Variants in ADAM32 observed in about 807,000 individuals in gnomAD.
ADAM32 encodes the protein disintegrin and metalloproteinase domain-containing protein 32.
ADAM32 carries 89 observed loss-of-function variants against 114.9 expected under a neutral mutation model. The ratio of observed to expected loss-of-function variants is 0.77; its 90% CI spans 0.65 to 0.92. The LOEUF is 0.92. Among genes scored for constraint, ADAM32 ranks in the 40% least tolerant of loss-of-function variants. The probability of loss-of-function intolerance (pLI) is 0.00; values close to 1 mark genes in which losing one functional copy is unlikely to be tolerated. For missense variants in ADAM32, 870 were observed against 932.8 expected, an observed-to-expected ratio of 0.93 and a Z score of 0.88; for synonymous variants, 285 against 307.5, an observed-to-expected ratio of 0.93 and a Z score of 0.77.
chr8:39,166,215 A>C (rs1429253816), intron 9 of ADAM32: 2 of 152,054 alleles, frequency 1.3e-5, no homozygotes, highest in Admixed American at 6.6e-5. Context: ...TCTTCCCCCC[A>C]GTCCCCACAG....
chr8:39,124,788 A>C (rs1588475441), intron 2 of ADAM32, among the ~76,000 whole-genome samples: 1 of 152,144 alleles, frequency 6.6e-6, no homozygotes, highest in East Asian at 1.9e-4. Context: ...TGCTATTGTG[A>C]ATACTGCTGC....
rs569116565 is a variant in ADAM32 at position 39,146,177 on chromosome 8, A to C, written c.201-953A>C. ...GCCTAATTAAGTGACGGTGGGTTGA[A>C]GAGTGAACATGAAGTGAGGAAGCAT... On this transcript the variant is annotated intron_variant, in intron 3 of 24. Coordinates refer to ENST00000379907, the MANE Select transcript of ADAM32 (RefSeq NM_145004.7). 2.0e-5 allele frequency among the ~76,000 whole-genome samples: 3 copies of C among 152,280 alleles called. No individual in the cohort carries two copies. In the South Asian group the frequency reaches 6.2e-4, roughly 32 times the overall value.
intron 11 of ADAM32, among the ~76,000 whole-genome samples, chr8:39,195,110 T>TC (rs1216214207): frequency 6.6e-6 from 1 of 152,100 alleles, no homozygotes; most frequent in Non-Finnish European, 1.5e-5. Flanking sequence ...CCCAGCTTCC[T>TC]CCCCCTTCAG....
At chr8:39,123,859 A>G (rs1024448305) in intron 2 of ADAM32, among the ~76,000 whole-genome samples, 13 of 151,968 alleles carry the variant, frequency 8.6e-5, no homozygotes, top group African/African-American at 3.1e-4. Context: ...GGCACACGCC[A>G]TGACACCCAG....
intron 12 of ADAM32, among the ~76,000 whole-genome samples, chr8:39,218,029 T>C (rs1797582473): frequency 6.6e-6 from 1 of 152,152 alleles, no homozygotes. Flanking sequence ...TTCCAGAGTA[T>C]TTGAAAGGAC....
intron 19 of ADAM32, among the ~76,000 whole-genome samples, chr8:39,259,690 A>G (rs1001383874): frequency 6.6e-6 from 1 of 152,176 alleles, no homozygotes; most frequent in Non-Finnish European, 1.5e-5. Context: ...ATGTTTAGTC[A>G]GTGAATACTA....
intron 5 of ADAM32, among the ~76,000 whole-genome samples, chr8:39,150,754 A>T (rs1018898079): frequency 3.3e-5 from 5 of 152,224 alleles, no homozygotes; most frequent in African/African-American, 1.2e-4. Context: ...ACCTGTATTC[A>T]CAGAAAAATA....
intron 10 of ADAM32, among the ~76,000 whole-genome samples, chr8:39,183,941 C>A (rs1806066223): frequency 6.6e-6 from 1 of 152,194 alleles, no homozygotes; most frequent in Admixed American, 6.5e-5. Flanking sequence ...ACCTGGGATA[C>A]ACGAGGACAA....
At chr8:39,236,789 A>C (rs1189772968) in intron 16 of ADAM32, among the ~76,000 whole-genome samples, 1 of 152,230 alleles carries the variant, frequency 6.6e-6, no homozygotes. Context: ...TTTTGAACTA[A>C]GTGAAAATGA....
chr8:39,175,759 C>T (rs1805486131), intron 10 of ADAM32, among the ~76,000 whole-genome samples: 1 of 152,086 alleles, frequency 6.6e-6, no homozygotes, highest in East Asian at 1.9e-4. Flanking sequence ...ATGGTACCAG[C>T]TCTTCTTTCT....
In ADAM32 at chr8:39,203,246, A is replaced by G. The variant is rs1472412909; in HGVS notation, c.1053-7898A>G. On this transcript the variant is annotated intron_variant, in intron 11 of 24. Transcript: ENST00000379907. Reference sequence around the variant, plus strand: ...TGACAATGGGGTGTTAAAGTCTCCCATTATTATTGTGTGGGAGTCTAAGTC... The same window carrying G: ...TGACAATGGGGTGTTAAAGTCTCCCGTTATTATTGTGTGGGAGTCTAAGTC... 5.3e-5 allele frequency among the ~76,000 whole-genome samples: 8 copies of G among 152,268 alleles called. No individual in the cohort carries two copies. In the East Asian group the frequency reaches 9.6e-4, roughly 18 times the overall value.
chr8:39,178,393 C>G (rs1441879105), intron 10 of ADAM32, among the ~76,000 whole-genome samples: 1 of 152,148 alleles, frequency 6.6e-6, no homozygotes, highest in East Asian at 1.9e-4. Context: ...TATAAACTGG[C>G]TATTCTGGTT....
chr8:39,127,845 T>C (rs1802210300), intron 2 of ADAM32, among the ~76,000 whole-genome samples: 1 of 152,188 alleles, frequency 6.6e-6, no homozygotes, highest in Non-Finnish European at 1.5e-5. Flanking sequence ...TAAAATTGTT[T>C]TAGCTGCATT....
chr8:39,134,230 A>G (rs1802644109), intron 2 of ADAM32, among the ~76,000 whole-genome samples: 1 of 152,006 alleles, frequency 6.6e-6, no homozygotes. Flanking sequence ...TCAACATGGT[A>G]CTGTGCTGCC....
intron 6 of ADAM32, among the ~76,000 whole-genome samples, chr8:39,153,866 G>T (rs902435613): frequency 6.6e-6 from 1 of 152,044 alleles, no homozygotes; most frequent in African/African-American, 2.4e-5. Flanking sequence ...CTACAATAAA[G>T]TTATTTGAGC....
At chr8:39,108,052 G>T in intron 1 of ADAM32, 1 of 533,214 alleles carries the variant, frequency 1.9e-6, no homozygotes, top group Non-Finnish European at 3.0e-6. Flanking sequence ...GAGAGACTGA[G>T]GCGAGCTGAT....
At chr8:39,217,300 C>T (rs974036113) in intron 12 of ADAM32, among the ~76,000 whole-genome samples, 2 of 151,854 alleles carry the variant, frequency 1.3e-5, no homozygotes, top group Admixed American at 1.3e-4. Flanking sequence ...CCTTTATCTT[C>T]GACCTTTAGG....
At chr8:39,108,908 G>A (rs543542939) in intron 1 of ADAM32, among the ~76,000 whole-genome samples, 4 of 152,260 alleles carry the variant, frequency 2.6e-5, no homozygotes, top group African/African-American at 9.6e-5. Flanking sequence ...GGAAAGACAG[G>A]AGGAGGAAAT....
chr8:39,148,803 A>G (rs1019618453), intron 4 of ADAM32, among the ~76,000 whole-genome samples: 1 of 152,250 alleles, frequency 6.6e-6, no homozygotes, highest in Non-Finnish European at 1.5e-5. Flanking sequence ...AGAAATCTTA[A>G]CCTTATTTAT....
Sources: allele counts gnomAD v4.1 joint callset (sites outside exome capture counted in the v4.1 genomes callset), GRCh38; gene constraint gnomAD v4.1.1; transcripts MANE v1.5; gene names NCBI Gene and HGNC (gene_info 2026-07-23, HGNC 2026-07-21).